The following CT47C1 variants were observed in gnomAD, a reference collection of about 807,000 sequenced individuals.
The protein encoded by CT47C1 is cancer/testis antigen family 47 member C1.
At chrX:119,075,585 G>A in the CT47C1 span, among the ~76,000 whole-genome samples, 1 of 111,999 alleles carries the variant, frequency 8.9e-6, no homozygotes, top group Non-Finnish European at 1.9e-5. Context: ...TTTCAAGTAG[G>A]ACCACATTTA....
At chrX:119,073,141 C>T in the CT47C1 span, 3 of 420,689 alleles carry the variant, frequency 7.1e-6, no homozygotes, top group African/African-American at 7.5e-5. Flanking sequence ...CACCTCCCCT[C>T]AGCCACAGCC....
At chrX:119,075,135 A>G in the CT47C1 span, 2 of 1,072,206 alleles carry the variant, frequency 1.9e-6, no homozygotes, top group East Asian at 3.0e-5. Context: ...AGCTTTGAGA[A>G]TCACTCAACT....
At chrX:119,073,499 G>T in the CT47C1 span, 5 of 512,660 alleles carry the variant, frequency 9.8e-6, no homozygotes, top group Non-Finnish European at 1.8e-5. Context: ...GGAGGAGGAG[G>T]ATGAGGAGGA....
At chrX:119,073,808 G>A in the CT47C1 span, 11 of 872,166 alleles carry the variant, frequency 1.3e-5, no homozygotes, top group Admixed American at 2.3e-4. Flanking sequence ...CCTGCTCCAG[G>A]AGGCCGCGTT....
chrX:119,076,622 G>A, the CT47C1 span, among the ~76,000 whole-genome samples: 1 of 112,456 alleles, frequency 8.9e-6, no homozygotes, highest in African/African-American at 3.2e-5. Flanking sequence ...CACTAGTAAC[G>A]TTGTGGCTGC....
chrX:119,075,016 A>G, the CT47C1 span: 18 of 1,081,769 alleles, frequency 1.7e-5, no homozygotes, highest in South Asian at 2.8e-4. Context: ...TGCTGCAGGC[A>G]AGGAAGAGAA....
chrX:119,074,039 G>T, the CT47C1 span: 2 of 553,865 alleles, frequency 3.6e-6, no homozygotes, highest in Non-Finnish European at 3.0e-6. Flanking sequence ...GGAGGAGTCC[G>T]CAGAGGAACC....
At chrX:119,075,758 G>A in the CT47C1 span, among the ~76,000 whole-genome samples, 2 of 98,798 alleles carry the variant, frequency 2.0e-5, no homozygotes, top group Non-Finnish European at 4.0e-5. Flanking sequence ...CATTTTCACA[G>A]CTGTATTATT....
the CT47C1 span, chrX:119,073,468 G>A: frequency 2.0e-6 from 1 of 512,543 alleles, no homozygotes; most frequent in Non-Finnish European, 3.5e-6. Context: ...CAGAGATCAG[G>A]ATAGTAGTGG....
chrX:119,075,436 G>A, the CT47C1 span, among the ~76,000 whole-genome samples: 1 of 111,793 alleles, frequency 8.9e-6, no homozygotes, highest in Admixed American at 9.5e-5. Flanking sequence ...GTTGCCAGAC[G>A]CAGCATCTAA....
the CT47C1 span, chrX:119,073,373 C>A: frequency 1.9e-6 from 1 of 537,580 alleles, no homozygotes; most frequent in Admixed American, 2.3e-5. Context: ...AGTCGCAGGG[C>A]CCATGAGAGG....
chrX:119,073,296 A>C, the CT47C1 span: 84 of 502,288 alleles, frequency 1.7e-4, no homozygotes, highest in Admixed American at 2.4e-3. Context: ...GAGGGAGCGC[A>C]GGCCGAGGCC....
At chrX:119,073,513 AGAG>A in the CT47C1 span, 104 of 507,473 alleles carry the variant, frequency 2.0e-4, no homozygotes, top group East Asian at 5.4e-4. Flanking sequence ...AGGAGGAGGA[AGAG>A]GAGGAGGAGG....
the CT47C1 span, among the ~76,000 whole-genome samples, chrX:119,076,004 T>C: frequency 1.8e-5 from 2 of 112,648 alleles, no homozygotes; most frequent in Non-Finnish European, 1.9e-5. Flanking sequence ...TATCCAAGCT[T>C]GCGAGTTACA....
the CT47C1 span, chrX:119,074,157 G>T: frequency 9.4e-6 from 4 of 427,807 alleles, no homozygotes; most frequent in South Asian, 4.9e-5. Flanking sequence ...CGCGGTGTGC[G>T]CACAGCTGGT....
chrX:119,076,439 G>C, the CT47C1 span: 117 of 112,497 alleles, frequency 1.0e-3, no homozygotes, highest in African/African-American at 3.7e-3. Context: ...TTACCTCTTT[G>C]TTTTGGCCCA....
chrX:119,073,931 G>A, the CT47C1 span: 126 of 805,558 alleles, frequency 1.6e-4, no homozygotes, highest in South Asian at 2.3e-4. Flanking sequence ...AGAAGAGCCC[G>A]CAGAGGAGGC....
the CT47C1 span, chrX:119,073,925 G>A: frequency 1.2e-6 from 1 of 820,921 alleles, no homozygotes; most frequent in Non-Finnish European, 1.8e-6. Context: ...GGCCGCAGAA[G>A]AGCCCGCAGA....
chrX:119,074,613 C>A, the CT47C1 span, among the ~76,000 whole-genome samples: 1 of 111,519 alleles, frequency 9.0e-6, no homozygotes, highest in Admixed American at 9.5e-5. Context: ...TTTGAGGCAA[C>A]AAATATTTTC....
Sources: allele counts gnomAD v4.1 joint callset (sites outside exome capture counted in the v4.1 genomes callset), GRCh38; gene constraint gnomAD v4.1.1; transcripts MANE v1.5; gene names NCBI Gene and HGNC (gene_info 2026-07-23, HGNC 2026-07-21).